Variants in WWTR1 observed in about 807,000 individuals in gnomAD.
WWTR1 encodes WW domain-containing transcription regulator protein 1.
In WWTR1, 13 loss-of-function variants were observed where a neutral mutation model predicts 40.1. The ratio of observed to expected loss-of-function variants is 0.32; its 90% CI spans 0.21 to 0.52. The LOEUF is 0.52. Ranked by LOEUF, WWTR1 falls within the 20% of genes least tolerant of loss-of-function variation. The probability of loss-of-function intolerance (pLI) is 0.97; values close to 1 mark genes in which losing one functional copy is unlikely to be tolerated. For synonymous variants in WWTR1, 230 were observed against 210.1 expected (o/e 1.09, Z -0.82); for missense variants, 436 against 523.1 (o/e 0.83, Z 1.63).
At chr3:149,522,905 C>T (rs980110937) in intron 6 of WWTR1, among the ~76,000 whole-genome samples, 1 of 151,436 alleles carries the variant, frequency 6.6e-6, no homozygotes, top group Non-Finnish European at 1.5e-5. Context: ...AACAAAAAAA[C>T]CCCAAAAAAA....
intron 3 of WWTR1, among the ~76,000 whole-genome samples, chr3:149,549,511 C>CA (rs1470849941): frequency 6.6e-6 from 1 of 152,210 alleles, no homozygotes; most frequent in East Asian, 1.9e-4. Flanking sequence ...GAAACTGTCA[C>CA]AGCCAAAAGG....
At chr3:149,543,457 G>A (rs187122419) in intron 3 of WWTR1, among the ~76,000 whole-genome samples, 22 of 151,222 alleles carry the variant, frequency 1.5e-4, no homozygotes, top group African/African-American at 5.1e-4. Context: ...TGGTGCATGC[G>A]TGTAGTCCCA....
intron 3 of WWTR1, among the ~76,000 whole-genome samples, chr3:149,552,726 A>G (rs1394585925): frequency 6.6e-6 from 1 of 152,236 alleles, no homozygotes; most frequent in Non-Finnish European, 1.5e-5. Flanking sequence ...ATCACCATAG[A>G]AATTCAGGAT....
intron 2 of WWTR1, among the ~76,000 whole-genome samples, chr3:149,608,744 CA>C (rs141570827): frequency 0.044 from 6,615 of 151,980 alleles, 463 homozygotes; most frequent in African/African-American, 0.15. Context: ...AACCAAAACA[CA>C]AGTGATAAAG....
chr3:149,608,256 T>C (rs1317550354), intron 2 of WWTR1, among the ~76,000 whole-genome samples: 1 of 152,188 alleles, frequency 6.6e-6, no homozygotes, highest in Non-Finnish European at 1.5e-5. Context: ...TACTAATATG[T>C]ACATTTTTGT....
chr3:149,568,550 A>AC (rs1430212120), intron 3 of WWTR1, among the ~76,000 whole-genome samples: 1 of 110,860 alleles, frequency 9.0e-6, no homozygotes, highest in Non-Finnish European at 1.8e-5. Flanking sequence ...AAAAAAAAAA[A>AC]AAAAAAAAAA....
chr3:149,723,113 T>G (rs1715793478), intron 4 of WWTR1, among the ~76,000 whole-genome samples: 1 of 151,998 alleles, frequency 6.6e-6, no homozygotes, highest in African/African-American at 2.4e-5. Flanking sequence ...AAATTGGATA[T>G]TTGAATCTAA....
chr3:149,694,340 G>A (rs540796231), intron 1 of WWTR1, among the ~76,000 whole-genome samples: 1 of 152,322 alleles, frequency 6.6e-6, no homozygotes, highest in East Asian at 1.9e-4. Flanking sequence ...GTTGCAGTGA[G>A]CCGAGATCGC....
At chr3:149,561,877 G>T (rs1346256400) in intron 3 of WWTR1, among the ~76,000 whole-genome samples, 1 of 152,144 alleles carries the variant, frequency 6.6e-6, no homozygotes, top group Non-Finnish European at 1.5e-5. Flanking sequence ...AGGAGAAAAG[G>T]GCTGGGGGTC....
chr3:149,632,360 C>T (rs992675427), intron 2 of WWTR1, among the ~76,000 whole-genome samples: 5 of 152,122 alleles, frequency 3.3e-5, no homozygotes, highest in Admixed American at 2.0e-4. Flanking sequence ...ACTTTACCAA[C>T]GAGGAAACGT....
chr3:149,582,802 A>G (rs1738217256), intron 2 of WWTR1, among the ~76,000 whole-genome samples: 1 of 152,212 alleles, frequency 6.6e-6, no homozygotes, highest in African/African-American at 2.4e-5. Context: ...GAACTCCACA[A>G]CAATGTGAGA....
intron 2 of WWTR1, among the ~76,000 whole-genome samples, chr3:149,588,123 G>A (rs1738515839): frequency 6.6e-6 from 1 of 152,182 alleles, no homozygotes; most frequent in African/African-American, 2.4e-5. Flanking sequence ...TCTAGACAAT[G>A]AACAGAAGTG....
intron 2 of WWTR1, among the ~76,000 whole-genome samples, chr3:149,646,242 T>C (rs1712520858): frequency 6.6e-6 from 1 of 152,236 alleles, no homozygotes; most frequent in Non-Finnish European, 1.5e-5. Flanking sequence ...AACAGATTAC[T>C]GCTTCTCAAA....
upstream of WWTR1, among the ~76,000 whole-genome samples, chr3:149,707,909 T>C (rs1236961531): frequency 2.6e-5 from 4 of 152,194 alleles, no homozygotes; most frequent in East Asian, 1.9e-4. Flanking sequence ...GTCATACCAA[T>C]TGGTATGGCC....
At chr3:149,621,484 C>G (rs1740268196) in intron 2 of WWTR1, among the ~76,000 whole-genome samples, 1 of 152,056 alleles carries the variant, frequency 6.6e-6, no homozygotes, top group African/African-American at 2.4e-5. Flanking sequence ...GTTGTATATT[C>G]CCATGGTCAG....
intron 6 of WWTR1, among the ~76,000 whole-genome samples, chr3:149,524,909 C>T (rs1735225115): frequency 6.6e-6 from 1 of 152,200 alleles, no homozygotes; most frequent in African/African-American, 2.4e-5. Flanking sequence ...ATGAATAACT[C>T]CAAATAGTGG....
intron 2 of WWTR1, among the ~76,000 whole-genome samples, chr3:149,580,169 GT>G (rs1262799065): frequency 6.6e-6 from 1 of 152,180 alleles, no homozygotes; most frequent in African/African-American, 2.4e-5. Context: ...TTCTATTAGT[GT>G]GATCTTATTT....
chr3:149,635,684 T>C (rs1711784413), intron 2 of WWTR1, among the ~76,000 whole-genome samples: 1 of 152,152 alleles, frequency 6.6e-6, no homozygotes, highest in Non-Finnish European at 1.5e-5. Context: ...GGTTTCTACA[T>C]GCATAAGTCT....
chr3:149,643,136 T>C (rs1000480064), intron 2 of WWTR1, among the ~76,000 whole-genome samples: 2 of 152,214 alleles, frequency 1.3e-5, no homozygotes, highest in African/African-American at 2.4e-5. Flanking sequence ...TTACCTTATA[T>C]TGTGAAAGGG....
Sources: gnomAD v4.1 joint callset for allele counts (sites outside exome capture counted in the v4.1 genomes callset) on GRCh38, gnomAD v4.1.1 for gene constraint, MANE v1.5 for transcripts, NCBI Gene and HGNC (gene_info 2026-07-23, HGNC 2026-07-21) for gene names.